Variants in IL1R1 observed in about 807,000 individuals in gnomAD.
IL1R1 encodes interleukin-1 receptor type 1.
IL1R1 carries 22 observed loss-of-function variants against 50.2 expected under a neutral mutation model. The observed-to-expected ratio is 0.44, with a 90% CI of 0.31 to 0.63. The LOEUF (loss-of-function observed/expected upper bound fraction) is 0.63, where lower values mean the gene tolerates loss of function less well. Among genes scored for constraint, IL1R1 ranks in the 20% least tolerant of loss-of-function variants. The pLI is 0.07. For synonymous variants in IL1R1, 251 were observed against 236.7 expected (o/e 1.06, Z -0.55); for missense variants, 509 against 676.2 (o/e 0.75, Z 2.74).
At chr2:102,070,512 C>G (rs1164061468) in exon 1 of IL1R1, 1 of 152,170 alleles carries the variant, frequency 6.6e-6, no homozygotes, top group African/African-American at 2.4e-5. Flanking sequence ...GGCTCCTTCT[C>G]AAGCTGCTTG....
chr2:102,157,736 A>G lies in IL1R1; in HGVS notation c.12A>G (p.Leu4=), dbSNP rs201289347. Reference sequence around the variant, plus strand: ...TTCTCCAGAAGAATATGAAAGTGTTACTCAGACTTATTTGTTTCATAGCTC... The same window carrying G: ...TTCTCCAGAAGAATATGAAAGTGTTGCTCAGACTTATTTGTTTCATAGCTC... MKV[L]LRLICFIALL... is the part of the protein sequence containing the mutation. The change falls in exon 3 of 12, where the codon TTA becomes TTG. Residue 4 remains leucine (L), a synonymous_variant. Transcript: ENST00000410023. 3.9e-5 allele frequency: 63 copies of G among 1,603,266 alleles called. No homozygotes were observed. The highest frequency in any genetic ancestry group is 5.1e-5 in the Non-Finnish European group (60 of 1,170,684).
chr2:102,176,809 T>A lies in IL1R1; in HGVS notation c.*50T>A. 1 of 1,560,466 alleles carries A rather than the reference T, an allele frequency of 6.4e-7. No individual in the cohort carries two copies. Among genetic ancestry groups the A allele is most frequent in the South Asian group, 1.2e-5 (1 of 86,734 alleles). On this transcript the variant is annotated 3_prime_UTR_variant, in exon 12 of 12. Coordinates refer to ENST00000410023, the MANE Select transcript of IL1R1 (RefSeq NM_000877.4). The stretch of plus-strand genomic sequence containing the variant: ...TTAGGTGCCTCCTGTCTTATGGCGT[T>A]GCAGGCCAGGTTATGCCTCATGCTG...
chr2:102,146,584 G>T (rs968196883), intron 1 of IL1R1, among the ~76,000 whole-genome samples: 1 of 152,154 alleles, frequency 6.6e-6, no homozygotes, highest in Admixed American at 6.5e-5. Flanking sequence ...ATGACTCTCG[G>T]TTAAGGTCTT....
At position 102,142,804 on chromosome 2, in the gene IL1R1, C is replaced by A. The variant is rs949980206; in HGVS notation, c.-300C>A. On this transcript the variant is annotated 5_prime_UTR_variant, in exon 1 of 12. Coordinates refer to ENST00000410023, the MANE Select transcript of IL1R1 (RefSeq NM_000877.4). ...GCCGGCGGCCGGAGCCGACTCGGAG[C>A]GCGCGGCGCCGGCCGGGAGGAGCCG... 1.4e-5 allele frequency: 2 copies of A among 147,720 alleles called. No individual in the cohort carries two copies. Among genetic ancestry groups the A allele is most frequent in the East Asian group, 4.0e-4 (2 of 5,036 alleles). 9.2% of individuals were successfully genotyped at this position (147,720 alleles called of 1,614,324 possible).
chr2:102,113,360 T>A (rs1680884227), intron 1 of IL1R1, among the ~76,000 whole-genome samples: 1 of 152,234 alleles, frequency 6.6e-6, no homozygotes, highest in Non-Finnish European at 1.5e-5. Flanking sequence ...TATCCATCTT[T>A]TCTCCGAAAG....
rs1682769203 is a variant in IL1R1, at chr2:102,142,790, G to A, written c.-314G>A. The A allele has an allele frequency of 6.7e-6, 1 of 148,214 alleles. No individual in the cohort carries two copies. Among genetic ancestry groups the A allele is most frequent in the South Asian group, 2.1e-4 (1 of 4,822 alleles). The allele number at this position is 148,214 out of a possible 1,614,324, so 9.2% of individuals were successfully genotyped here. On this transcript the variant is annotated 5_prime_UTR_variant, in exon 1 of 12. Transcript: ENST00000410023. ...GGGCGCAGCTTGTGGCCGGCGGCCG[G>A]AGCCGACTCGGAGCGCGCGGCGCCG...
At chr2:102,105,243 G>A (rs901529833) in intron 1 of IL1R1, among the ~76,000 whole-genome samples, 1 of 152,146 alleles carries the variant, frequency 6.6e-6, no homozygotes, top group Non-Finnish European at 1.5e-5. Context: ...AAATGAAGTC[G>A]TTTTATAAGA....
chr2:102,107,423 G>C (rs770288979), intron 1 of IL1R1, among the ~76,000 whole-genome samples: 1 of 150,880 alleles, frequency 6.6e-6, no homozygotes, highest in Admixed American at 6.6e-5. Flanking sequence ...ATTCTCACTC[G>C]TAGGTGGGAA....
rs1346655943 is a variant in IL1R1, at chr2:102,106,569, AAC to A, written c.-84+1699_-84+1700del. On this transcript the variant is annotated intron_variant, in intron 1 of 10. Transcript: ENST00000409329. ...AATACGTCCTTGGAACATTTACACA[AAC>A]AGCACAAGCTCATTGTCAAGAATAA... Among the ~76,000 whole-genome samples the A allele has an allele frequency of 4.6e-5, 7 of 152,314 alleles. 1 individual carries two copies. The South Asian group carries it at 1.4e-3, about 32-fold the overall frequency.
chr2:102,098,121 T>C (rs921335384), intron 1 of IL1R1, among the ~76,000 whole-genome samples: 3 of 152,110 alleles, frequency 2.0e-5, no homozygotes, highest in Non-Finnish European at 4.4e-5. Flanking sequence ...TCTCAGGCAA[T>C]CTATTAATAT....
rs3917324 is a variant in IL1R1, at chr2:102,177,073, C to G, written c.*314C>G. 0.23 allele frequency: 62,074 copies of G among 266,752 alleles called. 8,442 individuals carry two copies. The highest frequency in any genetic ancestry group is 0.3 in the Non-Finnish European group (41,258 of 138,266). 16.5% of individuals were successfully genotyped at this position (266,752 alleles called of 1,614,324 possible). ...CAGAGGTCAGGAGTTCGAGACCAGCCCAGCCAACATGGCAAAACCCCATCT... is the reference window on the plus strand; with the variant it reads ...CAGAGGTCAGGAGTTCGAGACCAGCGCAGCCAACATGGCAAAACCCCATCT... On this transcript the variant is annotated 3_prime_UTR_variant, in exon 12 of 12. Coordinates refer to ENST00000410023, the MANE Select transcript of IL1R1 (RefSeq NM_000877.4).
chr2:102,073,190 C>A (rs1448069133), intron 1 of IL1R1, among the ~76,000 whole-genome samples: 1 of 152,200 alleles, frequency 6.6e-6, no homozygotes, highest in Non-Finnish European at 1.5e-5. Flanking sequence ...AGCATTTATT[C>A]ATTCCACAGC....
chr2:102,072,152 A>C (rs1371424521), intron 1 of IL1R1, among the ~76,000 whole-genome samples: 1 of 151,592 alleles, frequency 6.6e-6, no homozygotes, highest in African/African-American at 2.4e-5. Flanking sequence ...CCTAGCTACT[A>C]GGGAGGCTGA....
chr2:102,142,226 A>T (rs1305128768), upstream of IL1R1: 1 of 151,924 alleles, frequency 6.6e-6, no homozygotes, highest in Non-Finnish European at 1.5e-5. Flanking sequence ...GTTTTCAACC[A>T]CTCCATGAGA....
rs957742328 is a variant in IL1R1 at position 102,119,931 on chromosome 2, T to C, written c.-84+15059T>C. Among the ~76,000 whole-genome samples, 7 of 152,302 alleles carry C rather than the reference T, an allele frequency of 4.6e-5. No individual in the cohort carries two copies. The South Asian group carries it at 1.0e-3, about 23-fold the overall frequency. ...TTCATTTCATGATGAAAAATGTATA[T>C]ATTTTGATACCATTTCCCCCTTCCC... On this transcript the variant is annotated intron_variant, in intron 1 of 10. Transcript: ENST00000409329.
chr2:102,156,748 A>G (rs1244864232), intron 2 of IL1R1, among the ~76,000 whole-genome samples: 1 of 152,154 alleles, frequency 6.6e-6, no homozygotes, highest in Non-Finnish European at 1.5e-5. Context: ...CCTGGCCTCA[A>G]GTGATCTGCC....
At chr2:102,149,056 A>AT (rs1373814257) in intron 1 of IL1R1, among the ~76,000 whole-genome samples, 1 of 152,162 alleles carries the variant, frequency 6.6e-6, no homozygotes, top group Non-Finnish European at 1.5e-5. Flanking sequence ...GTTTCCACCG[A>AT]TTTTCAGTAG....
intron 1 of IL1R1, among the ~76,000 whole-genome samples, chr2:102,091,398 G>C (rs1467927795): frequency 6.6e-6 from 1 of 152,106 alleles, no homozygotes; most frequent in African/African-American, 2.4e-5. Context: ...AGCTGATTTT[G>C]TAATCTTGAT....
intron 1 of IL1R1, among the ~76,000 whole-genome samples, chr2:102,088,866 A>G (rs1225143869): frequency 6.6e-6 from 1 of 152,162 alleles, no homozygotes; most frequent in Non-Finnish European, 1.5e-5. Context: ...CTTTCCTTCA[A>G]CCTCATGAAC....
Sources: gnomAD v4.1 joint callset for allele counts (sites outside exome capture counted in the v4.1 genomes callset) on GRCh38, gnomAD v4.1.1 for gene constraint, MANE v1.5 for transcripts, NCBI Gene and HGNC (gene_info 2026-07-23, HGNC 2026-07-21) for gene names.